SLC2A13: variants seen among roughly 807,000 people sequenced by gnomAD.
SLC2A13 encodes solute carrier family 2 member 13, also known as proton myo-inositol cotransporter.
A neutral mutation model predicts 64.4 loss-of-function variants in SLC2A13; 32 were observed. The ratio of observed to expected loss-of-function variants is 0.50; its 90% CI spans 0.37 to 0.67. The LOEUF (loss-of-function observed/expected upper bound fraction) is 0.67, where lower values mean the gene tolerates loss of function less well. Among genes scored for constraint, SLC2A13 ranks in the 30% least tolerant of loss-of-function variants. The pLI is 0.00. For synonymous variants in SLC2A13, 338 were observed against 327.1 expected (o/e 1.03, Z -0.36); for missense variants, 743 against 829.2 (o/e 0.90, Z 1.28).
chr12:40,100,483 T>C (rs1939107487), intron 1 of SLC2A13, among the ~76,000 whole-genome samples: 1 of 152,210 alleles, frequency 6.6e-6, no homozygotes, highest in African/African-American at 2.4e-5. Flanking sequence ...ACTTTGTGTT[T>C]TCTAGACAAT....
intron 3 of SLC2A13, among the ~76,000 whole-genome samples, chr12:39,960,993 C>T (rs1192873537): frequency 6.6e-6 from 1 of 151,546 alleles, no homozygotes; most frequent in African/African-American, 2.4e-5. Flanking sequence ...GTGATCCACT[C>T]GTCTTGGCCT....
Position 39,899,267 on chromosome 12 carries a change from G to A in SLC2A13, c.1035-27306C>T, listed in dbSNP as rs538952523. Among the ~76,000 whole-genome samples, 67 of 152,202 alleles carry A rather than the reference G, an allele frequency of 4.4e-4. 1 individual carries two copies. In the East Asian group the frequency reaches 8.5e-3, roughly 19 times the overall value. ...CTTCTAGATTTTCTAGTTTATTTGCGTAGAGGTGTTTGCAGTATTCTCTGA... is the reference window on the plus strand; with the variant it reads ...CTTCTAGATTTTCTAGTTTATTTGCATAGAGGTGTTTGCAGTATTCTCTGA... On this transcript the variant is annotated intron_variant, in intron 4 of 9. Coordinates refer to ENST00000280871, the MANE Select transcript of SLC2A13 (RefSeq NM_052885.4).
At chr12:39,965,630 G>A (rs1256799268) in intron 3 of SLC2A13, among the ~76,000 whole-genome samples, 1 of 152,064 alleles carries the variant, frequency 6.6e-6, no homozygotes, top group Non-Finnish European at 1.5e-5. Context: ...GCCTTGCTTT[G>A]TAAAAAACAA....
In SLC2A13 at chr12:40,106,043, C is replaced by CA. The variant is rs1242187952; in HGVS notation, c.-236dup. The CA allele has an allele frequency of 2.5e-5, 10 of 395,570 alleles. No individual in the cohort carries two copies. The South Asian group carries it at 4.0e-4, about 16-fold the overall frequency. 24.5% of individuals were successfully genotyped at this position (395,570 alleles called of 1,614,324 possible). A position where few individuals can be genotyped will look rare whatever the true frequency, so the allele number is the denominator to read the frequency against. On this transcript the variant is annotated 5_prime_UTR_variant, in exon 1 of 10. Coordinates refer to ENST00000280871, the MANE Select transcript of SLC2A13 (RefSeq NM_052885.4). The stretch of plus-strand genomic sequence containing the variant: ...AGCCCGGCGGGTCTCACTCCACACT[C>CA]ACGCCCCGCGCCTGCCGAGCTGGCG...
At chr12:39,899,261 A>G (rs1945017076) in intron 4 of SLC2A13, among the ~76,000 whole-genome samples, 1 of 152,038 alleles carries the variant, frequency 6.6e-6, no homozygotes, top group Non-Finnish European at 1.5e-5. Context: ...TTTCTAGTTT[A>G]TTTGCGTAGA....
chr12:39,934,415 T>C (rs941926742), intron 4 of SLC2A13, among the ~76,000 whole-genome samples: 6 of 152,158 alleles, frequency 3.9e-5, no homozygotes, highest in Admixed American at 3.3e-4. Context: ...CCAGGTTATG[T>C]GGAGCAGCAG....
chr12:39,853,524 A>T (rs552522284), intron 6 of SLC2A13, among the ~76,000 whole-genome samples: 1 of 151,362 alleles, frequency 6.6e-6, no homozygotes, highest in South Asian at 2.1e-4. Context: ...GCTGGGCAAC[A>T]TTTTTTTCTC....
Position 40,041,960 on chromosome 12 carries a change from AC to A in SLC2A13, c.716+6090del, listed in dbSNP as rs151257176. 9.8e-3 allele frequency among the ~76,000 whole-genome samples: 1,478 copies of A among 151,382 alleles called. 13 individuals carry two copies. Among genetic ancestry groups the A allele is most frequent in the Middle Eastern group, 0.027 (8 of 292 alleles). Reference sequence around the variant, plus strand: ...TGTAGTCTTAATCCTCCCTGATCCTACCCCCTCCTGGTCTACACTCTGCCTC... The same window carrying A: ...TGTAGTCTTAATCCTCCCTGATCCTACCCCTCCTGGTCTACACTCTGCCTC... On this transcript the variant is annotated intron_variant, in intron 2 of 9. Transcript: ENST00000280871.
intron 1 of SLC2A13, among the ~76,000 whole-genome samples, chr12:40,057,599 AGT>A (rs1948351559): frequency 6.6e-6 from 1 of 152,158 alleles, no homozygotes; most frequent in Admixed American, 6.5e-5. Flanking sequence ...CCATTTTTCC[AGT>A]GGTTCTATTT....
At chr12:39,857,880 T>G (rs1943647571) in intron 6 of SLC2A13, among the ~76,000 whole-genome samples, 1 of 152,206 alleles carries the variant, frequency 6.6e-6, no homozygotes, top group Non-Finnish European at 1.5e-5. Context: ...GAAATGCTTT[T>G]CCTTCATCTT....
chr12:39,793,930 G>A (rs1190610293), intron 7 of SLC2A13, among the ~76,000 whole-genome samples: 2 of 151,948 alleles, frequency 1.3e-5, no homozygotes, highest in Non-Finnish European at 2.9e-5. Context: ...AGCTCATTAT[G>A]GTTGGTCAGT....
At chr12:39,920,924 G>A (rs1485748904) in intron 4 of SLC2A13, among the ~76,000 whole-genome samples, 1 of 151,990 alleles carries the variant, frequency 6.6e-6, no homozygotes, top group Non-Finnish European at 1.5e-5. Context: ...TCATTAGACA[G>A]TGTAACTAAT....
intron 4 of SLC2A13, among the ~76,000 whole-genome samples, chr12:39,886,276 G>C (rs563701251): frequency 6.6e-6 from 1 of 152,222 alleles, no homozygotes; most frequent in East Asian, 1.9e-4. Context: ...CTTGATGCGG[G>C]CATATTGACA....
chr12:39,918,286 G>A (rs1945553012), intron 4 of SLC2A13, among the ~76,000 whole-genome samples: 1 of 151,850 alleles, frequency 6.6e-6, no homozygotes, highest in African/African-American at 2.4e-5. Flanking sequence ...TCTTACTGGA[G>A]CTTTGATGTA....
At chr12:39,769,484 C>A (rs1485849760) in intron 7 of SLC2A13, among the ~76,000 whole-genome samples, 1 of 152,006 alleles carries the variant, frequency 6.6e-6, no homozygotes, top group Non-Finnish European at 1.5e-5. Context: ...CTATCAGCTT[C>A]TACTTTTCTA....
chr12:40,034,278 G>T (rs2136222707), intron 2 of SLC2A13, among the ~76,000 whole-genome samples: 1 of 152,202 alleles, frequency 6.6e-6, no homozygotes, highest in South Asian at 2.1e-4. Flanking sequence ...CTCCCAACAG[G>T]CCATGAAAGC....
intron 1 of SLC2A13, among the ~76,000 whole-genome samples, chr12:40,053,969 G>T (rs1948298604): frequency 6.6e-6 from 1 of 152,126 alleles, no homozygotes; most frequent in Non-Finnish European, 1.5e-5. Flanking sequence ...ATGGAATTTT[G>T]TCCCTCAACA....
chr12:39,972,942 C>T (rs1280383793), intron 3 of SLC2A13, among the ~76,000 whole-genome samples: 4 of 152,118 alleles, frequency 2.6e-5, no homozygotes, highest in African/African-American at 9.7e-5. Context: ...TGGTGCATGC[C>T]TGTAATCCCA....
In SLC2A13 at chr12:39,760,062, A is replaced by T. The variant is rs771895007; in HGVS notation, c.1911T>A (p.Tyr637Ter). The part of the protein sequence containing the change: ...IEYIRVKGSN[Y>*]HLSDNDASDV... ...CAGAAGCATCATTGTCAGAAAGATG[A>T]TAGTTACTTCCCTTTACCCGAATAT... is the stretch of plus-strand genomic sequence containing the variant. Residue 637 changes from tyrosine to a stop codon, truncating the protein, a stop_gained, in exon 10 of 10, where the codon TAT becomes TAA. Coordinates refer to ENST00000280871, the MANE Select transcript of SLC2A13 (RefSeq NM_052885.4). LOFTEE classifies it high-confidence loss of function. 6.2e-7 allele frequency: 1 copy of T among 1,612,652 alleles called. No homozygotes were observed. Among genetic ancestry groups the T allele is most frequent in the Non-Finnish European group, 8.5e-7 (1 of 1,179,162 alleles).
Sources: gnomAD v4.1 joint callset for allele counts (sites outside exome capture counted in the v4.1 genomes callset) on GRCh38, gnomAD v4.1.1 for gene constraint, MANE v1.5 for transcripts, NCBI Gene and HGNC (gene_info 2026-07-23, HGNC 2026-07-21) for gene names.